Variants in TMEM50A observed in about 807,000 individuals in gnomAD.
TMEM50A encodes transmembrane protein 50A.
A neutral mutation model predicts 23.9 loss-of-function variants in TMEM50A; 8 were observed. The ratio of observed to expected loss-of-function variants is 0.33; its 90% CI spans 0.20 to 0.60. TMEM50A has a LOEUF of 0.60. Among genes scored for constraint, TMEM50A ranks in the 20% least tolerant of loss-of-function variants. The probability of loss-of-function intolerance (pLI) is 0.81; values close to 1 mark genes in which losing one functional copy is unlikely to be tolerated. For missense variants in TMEM50A, 178 were observed against 192.7 expected (o/e 0.92, Z 0.45); for synonymous variants, 55 against 60.4 (o/e 0.91, Z 0.41).
chr1:25,351,623 C>G lies in TMEM50A; in HGVS notation c.207-3C>G. 2 of 1,600,052 alleles carry G rather than the reference C, an allele frequency of 1.2e-6. No individual in the cohort carries two copies. Among genetic ancestry groups the G allele is most frequent in the Non-Finnish European group, 1.7e-6 (2 of 1,175,896 alleles). On this transcript the variant is annotated splice_region_variant and splice_polypyrimidine_tract_variant and intron_variant, in intron 3 of 6. Coordinates refer to ENST00000374358, the MANE Select transcript of TMEM50A (RefSeq NM_014313.4). ...ATTTCTTGGTTTTATTTTATTCATA[C>G]AGGATTAATGCAGTATCGAATGGAC...
intron 2 of TMEM50A, among the ~76,000 whole-genome samples, chr1:25,342,335 G>C (rs1037829929): frequency 6.6e-6 from 1 of 152,106 alleles, no homozygotes; most frequent in Non-Finnish European, 1.5e-5. Context: ...GATAAAAACT[G>C]TTTTTGAAGT....
At chr1:25,359,566 G>A (rs1645373098) in intron 6 of TMEM50A, among the ~76,000 whole-genome samples, 2 of 151,876 alleles carry the variant, frequency 1.3e-5, no homozygotes, top group Non-Finnish European at 1.5e-5. Context: ...TTACGAATTT[G>A]TGTTGGGCCT....
rs144757697 is a variant in TMEM50A at position 25,358,743 on chromosome 1, G to A, written c.428+1890G>A. Among the ~76,000 whole-genome samples, 551 of 152,318 alleles carry A rather than the reference G, an allele frequency of 3.6e-3. 1 individual carries two copies. Among genetic ancestry groups the A allele is most frequent in the Non-Finnish European group, 5.2e-3 (354 of 68,032 alleles). On this transcript the variant is annotated intron_variant, in intron 6 of 6. Coordinates refer to ENST00000374358, the MANE Select transcript of TMEM50A (RefSeq NM_014313.4). ...TGGCTCTTGCCCAGGAAACTCTTCC[G>A]ATTAGAGTTCATATCTTGTGACGAG...
chr1:25,350,397 T>A (rs1457310601), intron 3 of TMEM50A, among the ~76,000 whole-genome samples: 1 of 151,126 alleles, frequency 6.6e-6, no homozygotes, highest in Non-Finnish European at 1.5e-5. Context: ...TGTTCCCGAT[T>A]TTTTTTTTAA....
intron 6 of TMEM50A, among the ~76,000 whole-genome samples, chr1:25,357,373 A>G (rs1389362661): frequency 6.6e-6 from 1 of 152,138 alleles, no homozygotes; most frequent in Non-Finnish European, 1.5e-5. Context: ...TTTATCAGTA[A>G]TCTTCTCTGA....
intron 6 of TMEM50A, among the ~76,000 whole-genome samples, chr1:25,357,869 T>TC (rs1645352220): frequency 6.6e-6 from 1 of 150,924 alleles, no homozygotes; most frequent in African/African-American, 2.4e-5. Context: ...TGATTCCTGA[T>TC]CTCGTGATCT....
At chr1:25,338,663 C>T (rs1645129437) in intron 1 of TMEM50A, 1 of 152,250 alleles carries the variant, frequency 6.6e-6, no homozygotes, top group South Asian at 2.1e-4. Context: ...CGTCCAGACC[C>T]CGCCAAGACG....
intron 5 of TMEM50A, among the ~76,000 whole-genome samples, chr1:25,355,160 T>C (rs1645321439): frequency 6.6e-6 from 1 of 151,956 alleles, no homozygotes; most frequent in Non-Finnish European, 1.5e-5. Flanking sequence ...AATACAAAAA[T>C]TAGCCAGGCA....
At chr1:25,358,852 C>T (rs1557589621) in intron 6 of TMEM50A, among the ~76,000 whole-genome samples, 1 of 152,218 alleles carries the variant, frequency 6.6e-6, no homozygotes, top group Admixed American at 6.5e-5. Context: ...TTTGTTACAG[C>T]AGTAGATCCT....
chr1:25,340,409 AT>A, intron 1 of TMEM50A, 64 bp from the exon 2 acceptor site: 1 of 1,121,198 alleles, frequency 8.9e-7, no homozygotes, highest in South Asian at 1.4e-5. Flanking sequence ...GCTATTAATT[AT>A]TTTTCGGGCT....
intron 3 of TMEM50A, among the ~76,000 whole-genome samples, chr1:25,343,955 C>T (rs376033152): frequency 2.0e-5 from 3 of 152,260 alleles, no homozygotes; most frequent in South Asian, 2.1e-4. Flanking sequence ...ATTATAAGAA[C>T]TTTACTTTCA....
In TMEM50A at chr1:25,339,240, CTGAAAT is replaced by C. The variant is rs1182672041; in HGVS notation, c.-14+785_-14+790del. On this transcript the variant is annotated intron_variant, in intron 1 of 6. Transcript: ENST00000374358. ...TATGTATTTCAGGCTTTTTCATACTCTGAAATAGAGATAACATGGCTGTATCTCAGG... is the reference window on the plus strand; with the variant it reads ...TATGTATTTCAGGCTTTTTCATACTCAGAGATAACATGGCTGTATCTCAGG... Among the ~76,000 whole-genome samples, 28 of 152,280 alleles carry C rather than the reference CTGAAAT, an allele frequency of 1.8e-4. No homozygotes were observed. In the South Asian group the frequency reaches 4.4e-3, roughly 24 times the overall value.
At chr1:25,345,559 G>A (rs545464208) in intron 3 of TMEM50A, among the ~76,000 whole-genome samples, 2 of 151,800 alleles carry the variant, frequency 1.3e-5, no homozygotes, top group African/African-American at 4.8e-5. Context: ...CAGCCTGGGC[G>A]ACAGAGTGAG....
At chr1:25,346,107 C>A (rs989927345) in intron 3 of TMEM50A, among the ~76,000 whole-genome samples, 2 of 152,074 alleles carry the variant, frequency 1.3e-5, no homozygotes, top group African/African-American at 4.8e-5. Context: ...TCTTAGAATT[C>A]TCATCTCTTT....
Position 25,362,159 on chromosome 1 carries a change from G to C in TMEM50A, c.*1454G>C, listed in dbSNP as rs1571813838. On this transcript the variant is annotated 3_prime_UTR_variant, in exon 7 of 7. Transcript: ENST00000374358. ...AGTATCAGTGATTTGTAATTTTCCTGTTTTGTATTATCTGCTTTGCTGATG... is the reference window on the plus strand; with the variant it reads ...AGTATCAGTGATTTGTAATTTTCCTCTTTTGTATTATCTGCTTTGCTGATG... 5.0e-6 allele frequency: 2 copies of C among 396,708 alleles called. No homozygotes were observed. The highest frequency in any genetic ancestry group is 1.1e-4 in the East Asian group (2 of 18,438). The allele number at this position is 396,708 out of a possible 1,614,324, so 24.6% of individuals were successfully genotyped here.
chr1:25,358,401 G>A (rs944807156), intron 6 of TMEM50A, among the ~76,000 whole-genome samples: 5 of 152,160 alleles, frequency 3.3e-5, no homozygotes, highest in African/African-American at 1.2e-4. Context: ...TCCAAAAAAG[G>A]CTAGGAATCT....
intron 2 of TMEM50A, 89 bp from the exon 3 acceptor site, chr1:25,342,871 TA>T: frequency 9.9e-7 from 1 of 1,005,596 alleles, no homozygotes; most frequent in South Asian, 1.6e-5. Context: ...TGAAATGTAT[TA>T]AAAGGGATCT....
chr1:25,354,702 G>A (rs992576228), intron 5 of TMEM50A, among the ~76,000 whole-genome samples: 1 of 152,070 alleles, frequency 6.6e-6, no homozygotes, highest in African/African-American at 2.4e-5. Context: ...TTTTTCTTAT[G>A]TTTTTAGTTA....
chr1:25,357,528 AGTGTGTGTGTGT>A lies in TMEM50A; in HGVS notation c.428+698_428+709del, dbSNP rs58801158. 5.3e-3 allele frequency among the ~76,000 whole-genome samples: 742 copies of A among 139,660 alleles called. 12 individuals are homozygous for A. Among genetic ancestry groups the A allele is most frequent in the South Asian group, 0.015 (66 of 4,296 alleles). 91.6% of individuals were successfully genotyped at this position (139,660 alleles called of 152,430 possible). A position where few individuals can be genotyped will look rare whatever the true frequency, so the allele number is the denominator to read the frequency against. On this transcript the variant is annotated intron_variant, in intron 6 of 6. Coordinates refer to ENST00000374358, the MANE Select transcript of TMEM50A (RefSeq NM_014313.4). ...ACAGCTCTTAATCCTCTGCATCAGG[AGTGTGTGTGTGT>A]GTGTGTGTGTGTGTGTGTGTGTTGT...
Sources: allele counts gnomAD v4.1 joint callset (sites outside exome capture counted in the v4.1 genomes callset), GRCh38; gene constraint gnomAD v4.1.1; transcripts MANE v1.5; gene names NCBI Gene and HGNC (gene_info 2026-07-23, HGNC 2026-07-21).